HEATR5A: variants seen among roughly 807,000 people sequenced by gnomAD.
The protein encoded by HEATR5A is HEAT repeat-containing protein 5A.
In HEATR5A, 178 loss-of-function variants were observed where a neutral mutation model predicts 218.8. That is an observed-to-expected ratio of 0.81 (90% CI 0.72 to 0.92). HEATR5A has a LOEUF of 0.92. Ranked by LOEUF, HEATR5A falls within the 40% of genes least tolerant of loss-of-function variation. The probability of loss-of-function intolerance (pLI) is 0.00; values close to 1 mark genes in which losing one functional copy is unlikely to be tolerated. For synonymous variants in HEATR5A, 864 were observed against 871.6 expected (o/e 0.99, Z 0.15); for missense variants, 2,420 against 2,418.9 (o/e 1.00, Z -0.01).
At chr14:31,387,804 C>T (rs1017192010) in intron 7 of HEATR5A, among the ~76,000 whole-genome samples, 1 of 152,214 alleles carries the variant, frequency 6.6e-6, no homozygotes, top group African/African-American at 2.4e-5. Context: ...TCGTGATCCA[C>T]CAGCCTCGGC....
intron 21 of HEATR5A, among the ~76,000 whole-genome samples, chr14:31,341,320 T>A (rs1018744929): frequency 6.6e-6 from 1 of 150,586 alleles, no homozygotes; most frequent in Non-Finnish European, 1.5e-5. Context: ...TTGATGCCTA[T>A]TTTTTTTTCC....
At chr14:31,331,576 T>G (rs1280568825) in intron 22 of HEATR5A, among the ~76,000 whole-genome samples, 1 of 152,218 alleles carries the variant, frequency 6.6e-6, no homozygotes, top group Admixed American at 6.5e-5. Flanking sequence ...TCCAAATTTT[T>G]GGGTATCTTT....
At position 31,313,449 on chromosome 14, in the gene HEATR5A, A is replaced by G. The variant is rs1354775985; in HGVS notation, c.4219-259T>C. Among the ~76,000 whole-genome samples, 5 of 152,326 alleles carry G rather than the reference A, an allele frequency of 3.3e-5. 1 individual carries two copies. The highest frequency in any genetic ancestry group is 1.2e-4 in the African/African-American group (5 of 41,572). On this transcript the variant is annotated intron_variant, in intron 27 of 35. Coordinates refer to ENST00000543095, the MANE Select transcript of HEATR5A (RefSeq NM_015473.4). ...GATGCCACTTCTCACATTTACAATC[A>G]TAATATTATATCACGGCACTCTTTC...
rs1461627651 is a variant in HEATR5A at position 31,321,643 on chromosome 14, G to A, written c.3825C>T (p.Arg1275=). The A allele has an allele frequency of 1.2e-6, 2 of 1,609,600 alleles. No individual in the cohort carries two copies. Among genetic ancestry groups the A allele is most frequent in the Admixed American group, 3.4e-5 (2 of 59,390 alleles). The change falls in exon 25 of 36, where the codon CGC becomes CGT. Residue 1275 remains arginine, a synonymous_variant. Transcript: ENST00000543095. The stretch of plus-strand genomic sequence containing the variant: ...GATCTGTGGCAGCCATAAAAGCCAT[G>A]CGAATTAAGTCAGCAAGATGCAGTA... ...FLVLHLADLI[R]MAFMAATDHS...
chr14:31,324,457 A>G (rs1900201594), intron 23 of HEATR5A, among the ~76,000 whole-genome samples: 1 of 152,182 alleles, frequency 6.6e-6, no homozygotes, highest in African/African-American at 2.4e-5. Context: ...CCGTATGTCA[A>G]TATTTTTTTG....
At chr14:31,331,723 C>G (rs1371806413) in intron 22 of HEATR5A, among the ~76,000 whole-genome samples, 2 of 152,068 alleles carry the variant, frequency 1.3e-5, no homozygotes, top group Non-Finnish European at 2.9e-5. Flanking sequence ...TTAGGGAGGC[C>G]TCAGGAAACT....
chr14:31,326,407 C>A (rs999099951), intron 22 of HEATR5A, 65 bp from the exon 23 acceptor site: 34 of 1,136,498 alleles, frequency 3.0e-5, no homozygotes, highest in Admixed American at 1.1e-4. Flanking sequence ...CAGAAGCTCA[C>A]ACATTCAGTA....
intron 32 of HEATR5A, among the ~76,000 whole-genome samples, chr14:31,303,568 A>T (rs1167675252): frequency 2.0e-5 from 3 of 152,252 alleles, no homozygotes; most frequent in Non-Finnish European, 4.4e-5. Context: ...TGGAAACAAG[A>T]CATTTCTCTT....
At chr14:31,391,673 C>T (rs957508539) in intron 6 of HEATR5A, among the ~76,000 whole-genome samples, 11 of 152,174 alleles carry the variant, frequency 7.2e-5, no homozygotes, top group African/African-American at 2.7e-4. Flanking sequence ...GAACAACTTC[C>T]AGTCCTGTAA....
At chr14:31,351,619 T>C (rs1901233640) in intron 16 of HEATR5A, among the ~76,000 whole-genome samples, 1 of 152,158 alleles carries the variant, frequency 6.6e-6, no homozygotes, top group African/African-American at 2.4e-5. Flanking sequence ...AAGTATATTT[T>C]CAAAGCATAG....
At chr14:31,355,447 C>T (rs1425137229) in intron 16 of HEATR5A, among the ~76,000 whole-genome samples, 4 of 151,850 alleles carry the variant, frequency 2.6e-5, no homozygotes, top group Non-Finnish European at 5.9e-5. Context: ...AGTAACCACA[C>T]ACAGGCTGGG....
chr14:31,310,008 T>C (rs73257353), intron 28 of HEATR5A, among the ~76,000 whole-genome samples: 3,228 of 152,140 alleles, frequency 0.021, 89 homozygotes, highest in African/African-American at 0.067. Flanking sequence ...TGGCCATTTT[T>C]TTGCTTAAAA....
chr14:31,345,329 T>C, intron 19 of HEATR5A, 53 bp from the exon 20 acceptor site: 2 of 1,313,848 alleles, frequency 1.5e-6, no homozygotes, highest in Non-Finnish European at 2.1e-6. Flanking sequence ...TTAAGAAACA[T>C]AAAATAAATT....
intron 7 of HEATR5A, 140 bp from the exon 8 acceptor site, chr14:31,387,515 T>A: frequency 1.4e-6 from 1 of 724,948 alleles, no homozygotes; most frequent in Non-Finnish European, 2.3e-6. Context: ...ACTTGAAATA[T>A]ACAAACATAG....
Position 31,394,439 on chromosome 14 carries a change from C to A in HEATR5A, c.598-213G>T, listed in dbSNP as rs2030570442. ...AACCTACAAAAGGTGGGAGGAGAAC[C>A]CATTTCTAACTCCACAGGTTATGAA... On this transcript the variant is annotated intron_variant, in intron 5 of 35. Transcript: ENST00000543095. 3.3e-5 allele frequency among the ~76,000 whole-genome samples: 5 copies of A among 151,802 alleles called. No individual in the cohort carries two copies. In the South Asian group the frequency reaches 1.0e-3, roughly 32 times the overall value.
In HEATR5A at chr14:31,387,246, C is replaced by T. The variant is rs769992844; in HGVS notation, c.1063G>A (p.Val355Ile). 2.4e-5 allele frequency: 38 copies of T among 1,613,880 alleles called. 1 individual carries two copies. In the South Asian group the frequency reaches 3.0e-4, roughly 13 times the overall value. ...AATGAAACACAACGGCGACAGCAGACGGCATCGATCTGAGTTTGGGTGGCT... is the reference window on the plus strand; with the variant it reads ...AATGAAACACAACGGCGACAGCAGATGGCATCGATCTGAGTTTGGGTGGCT... ...PKATQTQIDAVCCRRCVSFIL... is the reference protein window; with the variant it reads ...PKATQTQIDAICCRRCVSFIL... The change falls in exon 8 of 36, where the codon GTC (valine) becomes ATC (isoleucine). Residue 355 changes from valine to isoleucine, a missense_variant. Coordinates refer to ENST00000543095, the MANE Select transcript of HEATR5A (RefSeq NM_015473.4).
intron 16 of HEATR5A, among the ~76,000 whole-genome samples, chr14:31,356,094 A>G (rs111282932): frequency 0.014 from 2,089 of 152,338 alleles, 20 homozygotes; most frequent in Non-Finnish European, 0.02. Context: ...CATAAATATC[A>G]TATCTGGCAT....
At chr14:31,399,255 C>T (rs181046198) in intron 3 of HEATR5A, among the ~76,000 whole-genome samples, 22 of 152,210 alleles carry the variant, frequency 1.4e-4, no homozygotes, top group Admixed American at 1.2e-3. Flanking sequence ...TCCTAAGGCA[C>T]GACACTTAGG....
chr14:31,394,752 A>G (rs2030589956), intron 5 of HEATR5A, among the ~76,000 whole-genome samples: 1 of 152,170 alleles, frequency 6.6e-6, no homozygotes, highest in Admixed American at 6.5e-5. Flanking sequence ...CGGGAGGCAG[A>G]GCTTGCAGTG....
Sources: allele counts gnomAD v4.1 joint callset (sites outside exome capture counted in the v4.1 genomes callset), GRCh38; gene constraint gnomAD v4.1.1; transcripts MANE v1.5; gene names NCBI Gene and HGNC (gene_info 2026-07-23, HGNC 2026-07-21).